The following GRK5 variants were observed in gnomAD, a reference collection of about 807,000 sequenced individuals.
GRK5 encodes the protein g protein-coupled receptor kinase GRK5.
A neutral mutation model predicts 78.4 loss-of-function variants in GRK5; 40 were observed. That is an observed-to-expected ratio of 0.51 (90% CI 0.40 to 0.66). The LOEUF (loss-of-function observed/expected upper bound fraction) is 0.66, where lower values mean the gene tolerates loss of function less well. GRK5 is among the 30% of genes least tolerant of loss of function. The probability of loss-of-function intolerance (pLI) is 0.00; values close to 1 mark genes in which losing one functional copy is unlikely to be tolerated. For missense variants in GRK5, 598 were observed against 759.9 expected, an observed-to-expected ratio of 0.79 and a Z score of 2.50; for synonymous variants, 289 against 296.8, an observed-to-expected ratio of 0.97 and a Z score of 0.27.
intron 8 of GRK5, among the ~76,000 whole-genome samples, chr10:119,433,779 C>T (rs1469852975): frequency 1.3e-5 from 2 of 152,338 alleles, no homozygotes; most frequent in East Asian, 1.9e-4. Context: ...CATGGCCTTG[C>T]TTCACAGAGC....
At chr10:119,441,137 G>A (rs1853025883) in intron 10 of GRK5, among the ~76,000 whole-genome samples, 1 of 152,216 alleles carries the variant, frequency 6.6e-6, no homozygotes, top group Non-Finnish European at 1.5e-5. Flanking sequence ...CAGGCCTGCC[G>A]CCCCTCTCTG....
intron 1 of GRK5, chr10:119,208,733 A>G (rs1294724672): frequency 6.6e-6 from 1 of 151,958 alleles, no homozygotes; most frequent in African/African-American, 2.4e-5. Context: ...TATTGTCTAA[A>G]TGGAGTGTGT....
chr10:119,247,749 G>C (rs1302263318), intron 1 of GRK5, among the ~76,000 whole-genome samples: 2 of 152,198 alleles, frequency 1.3e-5, no homozygotes, highest in African/African-American at 4.8e-5. Flanking sequence ...ACTGCTCAGA[G>C]AGCTCAAAGT....
intron 1 of GRK5, among the ~76,000 whole-genome samples, chr10:119,306,713 G>T (rs1296681585): frequency 2.0e-5 from 3 of 152,130 alleles, no homozygotes; most frequent in African/African-American, 7.2e-5. Flanking sequence ...GGTGGGTGGG[G>T]TGTGAGGATC....
chr10:119,425,268 TACACACACACACAC>T (rs112640010), intron 6 of GRK5, among the ~76,000 whole-genome samples, 183 bp downstream of exon 6: 1 of 126,622 alleles, frequency 7.9e-6, no homozygotes, highest in African/African-American at 2.6e-5. Flanking sequence ...CACACACACA[TACACACACACACAC>T]ACACACACAC....
At chr10:119,363,256 C>T (rs1401322901) in intron 2 of GRK5, among the ~76,000 whole-genome samples, 6 of 148,308 alleles carry the variant, frequency 4.0e-5, no homozygotes, top group African/African-American at 9.9e-5. Context: ...ACTCCAGCCT[C>T]GGCGACAAGA....
rs1848422349 is a variant in GRK5, at chr10:119,208,190, A to C, written c.52+221A>C. ...GGCTGAGAAGGTTGCAGGGATTTGGATGCTAACATATCTCCTAGTTTCCAG... is the reference window on the plus strand; with the variant it reads ...GGCTGAGAAGGTTGCAGGGATTTGGCTGCTAACATATCTCCTAGTTTCCAG... On this transcript the variant is annotated intron_variant, in intron 1 of 15. Transcript: ENST00000392870. 2.0e-5 allele frequency among the ~76,000 whole-genome samples: 3 copies of C among 152,232 alleles called. No individual in the cohort carries two copies. In the South Asian group the frequency reaches 6.2e-4, roughly 32 times the overall value.
chr10:119,418,246 C>T (rs1029415051), intron 4 of GRK5, among the ~76,000 whole-genome samples: 2 of 152,216 alleles, frequency 1.3e-5, no homozygotes, highest in African/African-American at 2.4e-5. Context: ...GAAGAACCAG[C>T]TCACAGAGCA....
chr10:119,380,636 C>A lies in GRK5; in HGVS notation c.149-179C>A, dbSNP rs1024994743. Among the ~76,000 whole-genome samples, 76 of 152,194 alleles carry A rather than the reference C, an allele frequency of 5.0e-4. 2 individuals carry two copies. The highest frequency in any genetic ancestry group is 2.9e-5 in the Non-Finnish European group (2 of 68,022). On this transcript the variant is annotated intron_variant, in intron 2 of 15. Coordinates refer to ENST00000392870, the MANE Select transcript of GRK5 (RefSeq NM_005308.3). Reference sequence around the variant, plus strand: ...GAGGCTGGGTCATCACTGGTGCCTTCTTCTACACTGACGTCTCTCTGAGTC... The same window carrying A: ...GAGGCTGGGTCATCACTGGTGCCTTATTCTACACTGACGTCTCTCTGAGTC...
At position 119,431,085 on chromosome 10, in the gene GRK5, T is replaced by C. The variant is rs1395987254; in HGVS notation, c.598-302T>C. Among the ~76,000 whole-genome samples, 4 of 152,194 alleles carry C rather than the reference T, an allele frequency of 2.6e-5. No homozygotes were observed. The highest frequency in any genetic ancestry group is 9.6e-5 in the African/African-American group (4 of 41,452). ...GGAGAAAATCCTGTTGCCCTGGGAATGGAACGGTACTTGGGGCCCCAGTCA... is the reference window on the plus strand; with the variant it reads ...GGAGAAAATCCTGTTGCCCTGGGAACGGAACGGTACTTGGGGCCCCAGTCA... On this transcript the variant is annotated intron_variant, in intron 7 of 15. Coordinates refer to ENST00000392870, the MANE Select transcript of GRK5 (RefSeq NM_005308.3). This position sits in a 1 kb window ranked among gnomAD's most constrained non-coding sequence, Gnocchi z 4.8.
intron 1 of GRK5, among the ~76,000 whole-genome samples, chr10:119,257,195 G>T (rs971105418): frequency 1.3e-5 from 2 of 152,190 alleles, no homozygotes; most frequent in East Asian, 3.8e-4. Flanking sequence ...GTTCTTTGGG[G>T]AGTGTTCTTA....
intron 1 of GRK5, among the ~76,000 whole-genome samples, chr10:119,221,481 G>A (rs1469508501): frequency 1.3e-5 from 2 of 152,200 alleles, no homozygotes; most frequent in Non-Finnish European, 2.9e-5. Context: ...TCAATGGAAT[G>A]CTGGGTATGT....
chr10:119,360,629 T>G (rs1283880437), intron 2 of GRK5, among the ~76,000 whole-genome samples: 2 of 147,726 alleles, frequency 1.4e-5, no homozygotes, highest in African/African-American at 5.1e-5. Flanking sequence ...CCTGTGTGAG[T>G]GGGAAGAGAC....
At chr10:119,222,590 A>G (rs915388046) in intron 1 of GRK5, among the ~76,000 whole-genome samples, 2 of 152,166 alleles carry the variant, frequency 1.3e-5, no homozygotes, top group Middle Eastern at 3.2e-3. Context: ...AAAACAAATC[A>G]GTGGCCCCTC....
chr10:119,396,143 T>C (rs1396275523), intron 3 of GRK5, among the ~76,000 whole-genome samples: 2 of 152,242 alleles, frequency 1.3e-5, no homozygotes, highest in African/African-American at 4.8e-5. Context: ...GCCAAGAGCT[T>C]GATCACTTCC....
intron 13 of GRK5, among the ~76,000 whole-genome samples, chr10:119,450,148 A>G (rs986919759): frequency 2.0e-5 from 3 of 152,200 alleles, no homozygotes; most frequent in Admixed American, 2.0e-4. Context: ...TGTTGAGTGC[A>G]TGAACATCAC....
At chr10:119,395,019 G>A (rs73435048) in intron 3 of GRK5, among the ~76,000 whole-genome samples, 11,842 of 150,566 alleles carry the variant, frequency 0.079, 932 homozygotes, top group East Asian at 0.26. Flanking sequence ...ATGTGGAAGA[G>A]GAGTTGACCT....
chr10:119,290,766 T>G (rs922599956), intron 1 of GRK5, among the ~76,000 whole-genome samples: 8 of 152,016 alleles, frequency 5.3e-5, no homozygotes, highest in Non-Finnish European at 1.2e-4. Flanking sequence ...GGGTTTCCCC[T>G]TCTGTGTGTG....
Position 119,431,747 on chromosome 10 carries a change from CA to C in GRK5, c.738+221del, listed in dbSNP as rs1467980439. 1.3e-5 allele frequency among the ~76,000 whole-genome samples: 2 copies of C among 152,220 alleles called. No homozygotes were observed. The highest frequency in any genetic ancestry group is 2.4e-5 in the African/African-American group (1 of 41,468). On this transcript the variant is annotated intron_variant, in intron 8 of 15. Transcript: ENST00000392870. The surrounding 1 kb of genome is among the most constrained non-coding windows in gnomAD (Gnocchi z 4.8). ...GCTTTGTCCCATCCCCAGAGCCGGC[CA>C]GTGCCTGGCTCCCTGCTGTGCATGA... is the stretch of plus-strand genomic sequence containing the variant.
Sources: allele counts gnomAD v4.1 joint callset (sites outside exome capture counted in the v4.1 genomes callset), GRCh38; gene constraint gnomAD v4.1.1; non-coding constraint Gnocchi (gnomAD v3.1); transcripts MANE v1.5; gene names NCBI Gene and HGNC (gene_info 2026-07-23, HGNC 2026-07-21).